Variants in COL24A1 observed in about 807,000 individuals in gnomAD.
The protein encoded by COL24A1 is collagen type XXIV alpha 1 chain, also known as collagen alpha-1(XXIV) chain.
A neutral mutation model predicts 253.9 loss-of-function variants in COL24A1; 224 were observed. The ratio of observed to expected loss-of-function variants is 0.88; its 90% CI spans 0.79 to 0.99. The LOEUF is 0.99. Among genes scored for constraint, COL24A1 ranks in the 50% least tolerant of loss-of-function variants. The probability of loss-of-function intolerance (pLI) is 0.00; values close to 1 mark genes in which losing one functional copy is unlikely to be tolerated. For missense variants in COL24A1, 2,131 were observed against 2,068.5 expected, an observed-to-expected ratio of 1.03 and a Z score of -0.59; for synonymous variants, 685 against 673.7, an observed-to-expected ratio of 1.02 and a Z score of -0.26.
intron 10 of COL24A1, among the ~76,000 whole-genome samples, chr1:86,052,356 A>C (rs72960327): frequency 6.6e-6 from 1 of 152,266 alleles, no homozygotes; most frequent in African/African-American, 2.4e-5. Flanking sequence ...AGATGAATGA[A>C]TAAACAAAAT....
intron 28 of COL24A1, among the ~76,000 whole-genome samples, chr1:85,898,501 TCTATTCCCAA>T (rs1683980025): frequency 1.3e-5 from 2 of 152,190 alleles, no homozygotes; most frequent in Admixed American, 6.5e-5. Flanking sequence ...TACTCCATAA[TCTATTCCCAA>T]CTTTCTTTCT....
At chr1:85,933,034 A>G (rs1224041900) in intron 24 of COL24A1, among the ~76,000 whole-genome samples, 4 of 140,632 alleles carry the variant, frequency 2.8e-5, no homozygotes, top group African/African-American at 8.0e-5. Context: ...ACATGTATAC[A>G]TATGTAACTA....
chr1:86,116,781 A>G (rs938068973), intron 3 of COL24A1, among the ~76,000 whole-genome samples: 11 of 151,870 alleles, frequency 7.2e-5, no homozygotes, highest in African/African-American at 2.7e-4. Context: ...TTTTTCTCTT[A>G]CCCCCTAAAT....
At chr1:86,107,686 C>T (rs529367664) in intron 5 of COL24A1, among the ~76,000 whole-genome samples, 114 of 152,096 alleles carry the variant, frequency 7.5e-4, no homozygotes, top group Admixed American at 2.4e-3. Flanking sequence ...AGGCGCCTCC[C>T]ACCACGCCCG....
chr1:86,005,395 C>T (rs1695852041), intron 19 of COL24A1, among the ~76,000 whole-genome samples: 1 of 151,416 alleles, frequency 6.6e-6, no homozygotes, highest in Non-Finnish European at 1.5e-5. Flanking sequence ...CTCTGATCAC[C>T]ATGCAATGAA....
At chr1:85,781,315 T>TAAAAA in intron 51 of COL24A1, 42 bp from the exon 52 acceptor site, 2 of 1,077,252 alleles carry the variant, frequency 1.9e-6, no homozygotes, top group Non-Finnish European at 1.3e-6. Flanking sequence ...TTAGTATAAT[T>TAAAAA]AAAAAAAAAA....
intron 22 of COL24A1, among the ~76,000 whole-genome samples, chr1:85,965,484 T>G (rs779566133): frequency 6.6e-6 from 1 of 152,208 alleles, no homozygotes; most frequent in Non-Finnish European, 1.5e-5. Flanking sequence ...CACCGAAAAG[T>G]TCTTTGCAGA....
chr1:85,775,630 C>T, intron 53 of COL24A1, 44 bp downstream of exon 53: 1 of 1,516,158 alleles, frequency 6.6e-7, no homozygotes, highest in South Asian at 1.2e-5. Context: ...GAGCTTATAG[C>T]CTAGTGTCAG....
intron 7 of COL24A1, among the ~76,000 whole-genome samples, chr1:86,064,071 C>T (rs1180961922): frequency 1.3e-5 from 2 of 151,982 alleles, no homozygotes; most frequent in Non-Finnish European, 2.9e-5. Flanking sequence ...ATAAAAGGCT[C>T]ATATCTAGCA....
At chr1:85,988,359 A>G (rs1413180405) in intron 19 of COL24A1, among the ~76,000 whole-genome samples, 2 of 152,056 alleles carry the variant, frequency 1.3e-5, no homozygotes, top group Non-Finnish European at 2.9e-5. Flanking sequence ...GCAGTCTAAA[A>G]TACTTGGCTC....
At chr1:86,127,517 A>G (rs552027208) in intron 2 of COL24A1, among the ~76,000 whole-genome samples, 1 of 152,214 alleles carries the variant, frequency 6.6e-6, no homozygotes, top group Non-Finnish European at 1.5e-5. Context: ...ATAAATTTAA[A>G]TATCACTTAA....
At chr1:86,005,147 G>C (rs949226111) in intron 19 of COL24A1, among the ~76,000 whole-genome samples, 1 of 152,076 alleles carries the variant, frequency 6.6e-6, no homozygotes, top group African/African-American at 2.4e-5. Flanking sequence ...GATTGACAGA[G>C]GCCACAGTTC....
At chr1:85,812,896 G>A (rs528673205) in intron 47 of COL24A1, among the ~76,000 whole-genome samples, 38 of 152,258 alleles carry the variant, frequency 2.5e-4, no homozygotes, top group Admixed American at 1.6e-3. Context: ...CCTGCCAAAC[G>A]TAGAGGCCAA....
chr1:86,128,299 A>G (rs1648630050), intron 2 of COL24A1, among the ~76,000 whole-genome samples: 1 of 151,976 alleles, frequency 6.6e-6, no homozygotes, highest in Non-Finnish European at 1.5e-5. Context: ...GAAACTAGCT[A>G]TGTTAGTCTG....
chr1:85,895,505 G>A (rs1348488282), intron 31 of COL24A1, among the ~76,000 whole-genome samples: 1 of 152,070 alleles, frequency 6.6e-6, no homozygotes, highest in Non-Finnish European at 1.5e-5. Context: ...ATCATAACTA[G>A]AGTGAAGTAA....
At chr1:85,900,587 T>C (rs978279281) in intron 28 of COL24A1, among the ~76,000 whole-genome samples, 4 of 152,068 alleles carry the variant, frequency 2.6e-5, no homozygotes, top group Non-Finnish European at 4.4e-5. Context: ...AGCAATGTGA[T>C]ATGATCGCGT....
rs75347174 is a variant in COL24A1, at chr1:85,821,937, G to A, written c.3789+1599C>T. On this transcript the variant is annotated intron_variant, in intron 45 of 59. Coordinates refer to ENST00000370571, the MANE Select transcript of COL24A1 (RefSeq NM_152890.7). ...TAATTGTAAAAAAGTAGATACTTTC[G>A]GATCAAATGTTGGACAGAACTTGCA... is the stretch of plus-strand genomic sequence containing the variant. Among the ~76,000 whole-genome samples the A allele has an allele frequency of 8.2e-3, 1,244 of 152,204 alleles. 16 individuals are homozygous for A. Among genetic ancestry groups the A allele is most frequent in the African/African-American group, 0.023 (973 of 41,528 alleles).
chr1:86,121,478 C>G (rs1647336340), intron 3 of COL24A1, among the ~76,000 whole-genome samples: 1 of 151,872 alleles, frequency 6.6e-6, no homozygotes, highest in Non-Finnish European at 1.5e-5. Context: ...ACTACATATT[C>G]AAAGAATGTC....
chr1:85,776,832 C>T (rs1048224238), intron 52 of COL24A1, among the ~76,000 whole-genome samples: 3 of 152,014 alleles, frequency 2.0e-5, no homozygotes, highest in Non-Finnish European at 2.9e-5. Context: ...TGTTAATTTG[C>T]AAGCTAAGAA....
Sources: gnomAD v4.1 joint callset for allele counts (sites outside exome capture counted in the v4.1 genomes callset) on GRCh38, gnomAD v4.1.1 for gene constraint, MANE v1.5 for transcripts, NCBI Gene and HGNC (gene_info 2026-07-23, HGNC 2026-07-21) for gene names.